Variants in LRIG1 observed in about 807,000 individuals in gnomAD.
LRIG1 encodes the protein leucine-rich repeats and immunoglobulin-like domains protein 1.
A neutral mutation model predicts 99.2 loss-of-function variants in LRIG1; 48 were observed. The ratio of observed to expected loss-of-function variants is 0.48; its 90% CI spans 0.38 to 0.62. The LOEUF (loss-of-function observed/expected upper bound fraction) is 0.62. Among genes scored for constraint, LRIG1 ranks in the 20% least tolerant of loss-of-function variants. The probability of loss-of-function intolerance (pLI) is 0.00; values close to 1 mark genes in which losing one functional copy is unlikely to be tolerated. For synonymous variants in LRIG1, 772 were observed against 596.1 expected, an observed-to-expected ratio of 1.29 and a Z score of -4.30; for missense variants, 1,646 against 1,434.4, an observed-to-expected ratio of 1.15 and a Z score of -2.38.
chr3:66,384,421 TGA>T, intron 13 of LRIG1, 149 bp from the exon 14 acceptor site: 1 of 825,554 alleles, frequency 1.2e-6, no homozygotes, highest in Non-Finnish European at 2.0e-6. Context: ...CTGCCACCTG[TGA>T]ATCAGGAACC....
chr3:66,408,763 C>T (rs1433724563), intron 7 of LRIG1, among the ~76,000 whole-genome samples: 1 of 152,130 alleles, frequency 6.6e-6, no homozygotes, highest in Non-Finnish European at 1.5e-5. Context: ...TCCAGCACCA[C>T]ATGGAATGCA....
chr3:66,460,877 T>G (rs943899869), intron 2 of LRIG1, among the ~76,000 whole-genome samples: 2 of 152,210 alleles, frequency 1.3e-5, no homozygotes, highest in African/African-American at 4.8e-5. Flanking sequence ...AGCCTAAACC[T>G]TTTTTAAACA....
intron 6 of LRIG1, among the ~76,000 whole-genome samples, chr3:66,411,857 A>G (rs981090224): frequency 1.3e-5 from 2 of 151,950 alleles, no homozygotes; most frequent in Non-Finnish European, 2.9e-5. Context: ...AGCAAAGCTA[A>G]AAACAGAAAA....
chr3:66,500,099 C>A, intron 1 of LRIG1, 91 bp downstream of exon 1: 2 of 1,018,832 alleles, frequency 2.0e-6, no homozygotes, highest in Non-Finnish European at 2.8e-6. Context: ...CAACCCAGTC[C>A]GCACCCCCTC....
In LRIG1 at chr3:66,383,054, T is replaced by C. The variant is rs1701175222; in HGVS notation, c.2419A>G (p.Thr807Ala). ...ATGATGCACACCCAGACCAGTGACGTCAGGACGATGCTGCTCACGACAGCA... is the reference window on the plus strand; with the variant it reads ...ATGATGCACACCCAGACCAGTGACGCCAGGACGATGCTGCTCACGACAGCA... Reference protein sequence around the residue: ...TIAVVSSIVLTSLVWVCIIYQ... With the variant: ...TIAVVSSIVLASLVWVCIIYQ... The change falls in exon 15 of 19, where the codon ACG (threonine) becomes GCG (alanine). Residue 807 changes from threonine (T) to alanine (A), a missense_variant. Coordinates refer to ENST00000273261, the MANE Select transcript of LRIG1 (RefSeq NM_015541.3). The C allele has an allele frequency of 6.2e-7, 1 of 1,614,084 alleles. No individual in the cohort carries two copies. The highest frequency in any genetic ancestry group is 8.5e-7 in the Non-Finnish European group (1 of 1,180,032).
intron 3 of LRIG1, among the ~76,000 whole-genome samples, chr3:66,432,021 T>G (rs1703188531): frequency 6.6e-6 from 1 of 152,192 alleles, no homozygotes; most frequent in South Asian, 2.1e-4. Context: ...GACATTAAAT[T>G]TATATTTACA....
intron 6 of LRIG1, among the ~76,000 whole-genome samples, chr3:66,411,409 A>G (rs1373924670): frequency 1.3e-5 from 2 of 152,208 alleles, no homozygotes; most frequent in Non-Finnish European, 2.9e-5. Context: ...GGTAGGTGCT[A>G]ACTCCATTTT....
chr3:66,474,266 ACT>A (rs1464892944), intron 1 of LRIG1, among the ~76,000 whole-genome samples: 2 of 151,822 alleles, frequency 1.3e-5, no homozygotes, highest in Non-Finnish European at 2.9e-5. Flanking sequence ...GCCACAACAC[ACT>A]TTTATTTCTT....
At chr3:66,441,699 C>T (rs1393565503) in intron 3 of LRIG1, among the ~76,000 whole-genome samples, 1 of 152,206 alleles carries the variant, frequency 6.6e-6, no homozygotes, top group Non-Finnish European at 1.5e-5. Context: ...CTCTGGGCCA[C>T]AATACCAAGG....
chr3:66,496,653 G>A (rs1040845191), intron 1 of LRIG1, among the ~76,000 whole-genome samples: 1 of 152,002 alleles, frequency 6.6e-6, no homozygotes, highest in African/African-American at 2.4e-5. Context: ...CCCACAAATC[G>A]GAAGACTTTT....
rs115580145 is a variant in LRIG1, at chr3:66,436,607, G to A, written c.365+14952C>T. Among the ~76,000 whole-genome samples, 1,184 of 152,250 alleles carry A rather than the reference G, an allele frequency of 7.8e-3. 19 individuals are homozygous for A. Among genetic ancestry groups the A allele is most frequent in the African/African-American group, 0.027 (1,127 of 41,528 alleles). On this transcript the variant is annotated intron_variant, in intron 3 of 18. Transcript: ENST00000273261. ...TCAAAAGACATACAACGCAGAGCCC[G>A]GGGGTCTGGTGCCAGCCTCCAAATG...
chr3:66,408,890 C>T (rs1179281406), intron 7 of LRIG1, among the ~76,000 whole-genome samples: 1 of 133,792 alleles, frequency 7.5e-6, no homozygotes, highest in African/African-American at 2.8e-5. Flanking sequence ...ATGATGGAGT[C>T]ACCAAAATAT....
At chr3:66,399,961 G>C (rs1701996740) in intron 9 of LRIG1, among the ~76,000 whole-genome samples, 1 of 152,366 alleles carries the variant, frequency 6.6e-6, no homozygotes, top group African/African-American at 2.4e-5. Flanking sequence ...CTGCCTACGA[G>C]AGGGACCCCT....
At chr3:66,422,570 T>C (rs745343056) in intron 3 of LRIG1, among the ~76,000 whole-genome samples, 9 of 152,210 alleles carry the variant, frequency 5.9e-5, no homozygotes, top group Non-Finnish European at 7.3e-5. Context: ...TTATTGTTCA[T>C]GTCACTATCA....
chr3:66,481,813 T>C (rs187099020), intron 1 of LRIG1, among the ~76,000 whole-genome samples: 4 of 152,338 alleles, frequency 2.6e-5, no homozygotes, highest in Admixed American at 2.0e-4. Context: ...GCACTACTTT[T>C]ACTTTTCAAA....
intron 1 of LRIG1, among the ~76,000 whole-genome samples, chr3:66,484,573 G>C (rs1227852789): frequency 2.0e-5 from 3 of 152,154 alleles, no homozygotes; most frequent in Non-Finnish European, 4.4e-5. Context: ...TCCAGACAGA[G>C]GAAATGGTGG....
At chr3:66,441,885 G>A (rs559745798) in intron 3 of LRIG1, among the ~76,000 whole-genome samples, 6 of 152,294 alleles carry the variant, frequency 3.9e-5, no homozygotes, top group African/African-American at 9.6e-5. Context: ...GTTACTTGCC[G>A]TCTCTGTGCT....
At chr3:66,439,751 A>T (rs1703481260) in intron 3 of LRIG1, among the ~76,000 whole-genome samples, 1 of 152,220 alleles carries the variant, frequency 6.6e-6, no homozygotes, top group South Asian at 2.1e-4. Flanking sequence ...ATCAGAAGAA[A>T]GAATGACCCA....
At chr3:66,461,765 A>T (rs1040371988) in intron 2 of LRIG1, among the ~76,000 whole-genome samples, 2 of 152,220 alleles carry the variant, frequency 1.3e-5, no homozygotes, top group African/African-American at 4.8e-5. Context: ...TAACATCCAC[A>T]TCAAAAACAG....
Sources: allele counts gnomAD v4.1 joint callset (sites outside exome capture counted in the v4.1 genomes callset), GRCh38; gene constraint gnomAD v4.1.1; transcripts MANE v1.5; gene names NCBI Gene and HGNC (gene_info 2026-07-23, HGNC 2026-07-21).